NELL1: variants seen among roughly 807,000 people sequenced by gnomAD.
NELL1 encodes neural EGFL like 1, also known as protein kinase C-binding protein NELL1.
In NELL1, 76 loss-of-function variants were observed where a neutral mutation model predicts 107.4. The ratio of observed to expected loss-of-function variants is 0.71; its 90% CI spans 0.59 to 0.86. The LOEUF (loss-of-function observed/expected upper bound fraction) is 0.86. Among genes scored for constraint, NELL1 ranks in the 40% least tolerant of loss-of-function variants. The probability of loss-of-function intolerance (pLI) is 0.00; values close to 1 mark genes in which losing one functional copy is unlikely to be tolerated. For synonymous variants in NELL1, 353 were observed against 341.2 expected (o/e 1.03, Z -0.38); for missense variants, 1,024 against 1,005.5 (o/e 1.02, Z -0.25).
chr11:20,773,932 G>C (rs1417629447), intron 2 of NELL1, among the ~76,000 whole-genome samples: 2 of 152,056 alleles, frequency 1.3e-5, no homozygotes, highest in African/African-American at 4.8e-5. Flanking sequence ...GGTGATTTCA[G>C]ACCTATGATG....
At chr11:20,748,652 C>G (rs1019718684) in intron 2 of NELL1, among the ~76,000 whole-genome samples, 1 of 152,114 alleles carries the variant, frequency 6.6e-6, no homozygotes, top group East Asian at 1.9e-4. Flanking sequence ...AGTAAGAACT[C>G]ATGGTATTTT....
At chr11:21,145,983 G>C (rs1855969633) in intron 13 of NELL1, among the ~76,000 whole-genome samples, 1 of 152,146 alleles carries the variant, frequency 6.6e-6, no homozygotes, top group Non-Finnish European at 1.5e-5. Flanking sequence ...TATTGGTTGA[G>C]AGACTGTGTG....
chr11:20,950,394 C>T (rs1359695644), intron 11 of NELL1, among the ~76,000 whole-genome samples: 1 of 152,170 alleles, frequency 6.6e-6, no homozygotes, highest in Non-Finnish European at 1.5e-5. Context: ...AACTAAGCCC[C>T]CCATGAATTT....
chr11:21,141,348 C>G (rs1855862703), intron 13 of NELL1, among the ~76,000 whole-genome samples: 1 of 152,210 alleles, frequency 6.6e-6, no homozygotes, highest in African/African-American at 2.4e-5. Flanking sequence ...TAGGTTTTCT[C>G]TAAGCATCTA....
At chr11:21,467,240 T>G (rs527656554) in intron 15 of NELL1, among the ~76,000 whole-genome samples, 16 of 152,222 alleles carry the variant, frequency 1.1e-4, no homozygotes, top group African/African-American at 3.1e-4. Flanking sequence ...AGCCACTCTG[T>G]GTCTCAGTTT....
chr11:21,298,125 C>A (rs1377626305), intron 14 of NELL1, among the ~76,000 whole-genome samples: 1 of 151,932 alleles, frequency 6.6e-6, no homozygotes, highest in African/African-American at 2.4e-5. Context: ...TTAAGGTGAA[C>A]AGCTGATTTT....
intron 14 of NELL1, among the ~76,000 whole-genome samples, chr11:21,327,181 G>T (rs559836886): frequency 8.8e-4 from 96 of 108,494 alleles, no homozygotes; most frequent in African/African-American, 1.7e-3. Context: ...TTTTTTTTGT[G>T]GGGGGGACTG....
At chr11:21,017,907 T>C (rs1852606959) in intron 12 of NELL1, among the ~76,000 whole-genome samples, 1 of 152,096 alleles carries the variant, frequency 6.6e-6, no homozygotes, top group Admixed American at 6.6e-5. Context: ...TGATGACTTA[T>C]CTACTCACAG....
rs577586834 is a variant in NELL1 at position 20,946,035 on chromosome 11, G to T, written c.1072-1301G>T. ...CTGAGAAAGGAGAGGAAGCCATGGT[G>T]CAAATAATCCAAAAGATGAGCAGTT... On this transcript the variant is annotated intron_variant, in intron 10 of 19. Coordinates refer to ENST00000357134, the MANE Select transcript of NELL1 (RefSeq NM_006157.5). 7.2e-5 allele frequency among the ~76,000 whole-genome samples: 11 copies of T among 152,284 alleles called. No individual in the cohort carries two copies. In the East Asian group the frequency reaches 2.1e-3, roughly 29 times the overall value.
At chr11:20,887,733 C>T (rs1390217794) in intron 5 of NELL1, among the ~76,000 whole-genome samples, 1 of 152,138 alleles carries the variant, frequency 6.6e-6, no homozygotes, top group East Asian at 1.9e-4. Flanking sequence ...ACCCATGAAG[C>T]TCAATAAAGT....
intron 17 of NELL1, among the ~76,000 whole-genome samples, chr11:21,567,648 G>A (rs1178655590): frequency 6.6e-6 from 1 of 151,740 alleles, no homozygotes; most frequent in Non-Finnish European, 1.5e-5. Context: ...AAGCTTTTAA[G>A]GTTTCCACTT....
intron 10 of NELL1, among the ~76,000 whole-genome samples, chr11:20,938,330 G>A (rs1044399101): frequency 4.6e-5 from 7 of 152,182 alleles, no homozygotes; most frequent in Non-Finnish European, 8.8e-5. Context: ...ATAATCATTC[G>A]ACAAAAATGC....
At chr11:21,355,445 C>A (rs1040928832) in intron 14 of NELL1, among the ~76,000 whole-genome samples, 10 of 152,184 alleles carry the variant, frequency 6.6e-5, no homozygotes, top group African/African-American at 9.6e-5. Flanking sequence ...CAGTATGATA[C>A]AGGTTCCCTT....
chr11:20,968,272 A>G (rs751033942), intron 12 of NELL1, among the ~76,000 whole-genome samples: 1 of 152,202 alleles, frequency 6.6e-6, no homozygotes, highest in South Asian at 2.1e-4. Flanking sequence ...GCATGAGGGC[A>G]GCAATTTTAT....
intron 15 of NELL1, among the ~76,000 whole-genome samples, chr11:21,466,327 C>T (rs779899903): frequency 6.6e-6 from 1 of 152,088 alleles, no homozygotes; most frequent in Non-Finnish European, 1.5e-5. Context: ...GAGGGACATA[C>T]AGGTCGAGTG....
At chr11:21,077,629 G>A (rs569172717) in intron 12 of NELL1, among the ~76,000 whole-genome samples, 1 of 152,094 alleles carries the variant, frequency 6.6e-6, no homozygotes, top group African/African-American at 2.4e-5. Context: ...TGTAATCCCA[G>A]CTACTCGGGA....
chr11:21,175,876 A>C (rs1856702033), intron 13 of NELL1, among the ~76,000 whole-genome samples: 1 of 151,826 alleles, frequency 6.6e-6, no homozygotes, highest in African/African-American at 2.4e-5. Context: ...TTTGCCTTAC[A>C]ATGTGGGCAT....
intron 13 of NELL1, among the ~76,000 whole-genome samples, chr11:21,148,074 G>A (rs1198954922): frequency 1.3e-5 from 2 of 152,064 alleles, no homozygotes; most frequent in Admixed American, 6.6e-5. Context: ...CGTTTGACGA[G>A]TATCTTAAGT....
chr11:21,079,204 T>A (rs1003477848), intron 12 of NELL1, among the ~76,000 whole-genome samples: 23 of 152,010 alleles, frequency 1.5e-4, no homozygotes, highest in African/African-American at 5.1e-4. Flanking sequence ...AACTTCATCA[T>A]ATAGACATCA....
Sources: allele counts gnomAD v4.1 joint callset (sites outside exome capture counted in the v4.1 genomes callset), GRCh38; gene constraint gnomAD v4.1.1; transcripts MANE v1.5; gene names NCBI Gene and HGNC (gene_info 2026-07-23, HGNC 2026-07-21).